The following LRP1B variants were observed in gnomAD, a reference collection of about 807,000 sequenced individuals.
LRP1B encodes low-density lipoprotein receptor-related protein 1B.
Under a neutral mutation model 556.6 loss-of-function variants are expected in LRP1B, and 217 were observed. The ratio of observed to expected loss-of-function variants is 0.39; its 90% CI spans 0.35 to 0.44. LRP1B has a LOEUF of 0.44. LRP1B is among the 20% of genes least tolerant of loss of function. LRP1B has a pLI of 1.00. For synonymous variants in LRP1B, 2,047 were observed against 1,865.8 expected (o/e 1.10, Z -2.50); for missense variants, 5,053 against 5,620.8 (o/e 0.90, Z 3.23).
At chr2:141,250,541 G>A (rs1684222425) in intron 4 of LRP1B, among the ~76,000 whole-genome samples, 1 of 152,118 alleles carries the variant, frequency 6.6e-6, no homozygotes, top group African/African-American at 2.4e-5. Context: ...TTTGGCTGTT[G>A]CATCCTTTAT....
chr2:140,303,665 TCTTTTTATTATAC>T (rs927149458), intron 83 of LRP1B, among the ~76,000 whole-genome samples: 9 of 152,238 alleles, frequency 5.9e-5, no homozygotes, highest in African/African-American at 1.9e-4. Flanking sequence ...TAATAAAAAA[TCTTTTTATTATAC>T]CTTAAATTCT....
chr2:141,835,302 A>T (rs1234103616), intron 1 of LRP1B, among the ~76,000 whole-genome samples: 1 of 151,992 alleles, frequency 6.6e-6, no homozygotes, highest in Non-Finnish European at 1.5e-5. Flanking sequence ...GCCAGGCAGT[A>T]AACACAGAGC....
intron 1 of LRP1B, among the ~76,000 whole-genome samples, chr2:141,968,734 C>T (rs945405820): frequency 4.0e-5 from 6 of 151,704 alleles, no homozygotes; most frequent in Non-Finnish European, 5.9e-5. Context: ...CTGTTTTTCA[C>T]GTGTTACTAT....
intron 1 of LRP1B, among the ~76,000 whole-genome samples, chr2:142,044,040 T>C (rs17772688): frequency 0.069 from 10,447 of 151,796 alleles, 509 homozygotes; most frequent in South Asian, 0.18. Context: ...ATAACATATA[T>C]CTTCAATAAC....
At chr2:141,562,986 G>A (rs1686216806) in intron 2 of LRP1B, among the ~76,000 whole-genome samples, 1 of 151,954 alleles carries the variant, frequency 6.6e-6, no homozygotes, top group Non-Finnish European at 1.5e-5. Context: ...TAAAGGTAGA[G>A]GTAGCAGAAA....
At chr2:142,010,793 A>G (rs898043417) in intron 1 of LRP1B, among the ~76,000 whole-genome samples, 1 of 152,100 alleles carries the variant, frequency 6.6e-6, no homozygotes, top group Non-Finnish European at 1.5e-5. Flanking sequence ...AATGGTTGAT[A>G]ATTTGTCATT....
chr2:140,705,947 T>A (rs1032582806), intron 37 of LRP1B, among the ~76,000 whole-genome samples: 1 of 152,050 alleles, frequency 6.6e-6, no homozygotes, highest in East Asian at 1.9e-4. Flanking sequence ...TAAACTGAAA[T>A]TGAAAGTAAA....
chr2:141,797,669 C>G (rs1695868286), intron 2 of LRP1B, among the ~76,000 whole-genome samples: 1 of 152,130 alleles, frequency 6.6e-6, no homozygotes, highest in Non-Finnish European at 1.5e-5. Context: ...AACTACTTAG[C>G]TATAAGGTTT....
chr2:140,549,906 G>A (rs568881142), intron 43 of LRP1B, among the ~76,000 whole-genome samples: 2 of 151,780 alleles, frequency 1.3e-5, no homozygotes, highest in South Asian at 2.1e-4. Context: ...TGTGCAGAAC[G>A]TGCAGTTTTG....
At chr2:140,326,147 C>A (rs994880467) in intron 79 of LRP1B, among the ~76,000 whole-genome samples, 1 of 152,120 alleles carries the variant, frequency 6.6e-6, no homozygotes, top group Admixed American at 6.6e-5. Context: ...AATATCCCTT[C>A]TAGCCATATT....
At chr2:141,755,609 T>C (rs1310354606) in intron 2 of LRP1B, among the ~76,000 whole-genome samples, 1 of 152,074 alleles carries the variant, frequency 6.6e-6, no homozygotes, top group African/African-American at 2.4e-5. Flanking sequence ...CAGCAATATG[T>C]TTAATAATGT....
chr2:141,456,794 A>G (rs180811736), intron 3 of LRP1B, among the ~76,000 whole-genome samples: 7 of 152,322 alleles, frequency 4.6e-5, no homozygotes, highest in Middle Eastern at 3.4e-3. Context: ...AAGATATATG[A>G]AACTGAAGAG....
intron 3 of LRP1B, among the ~76,000 whole-genome samples, chr2:141,377,936 T>G (rs1047257474): frequency 2.6e-5 from 4 of 152,178 alleles, no homozygotes; most frequent in African/African-American, 4.8e-5. Flanking sequence ...TTTTAAGATA[T>G]AAGGACAATC....
chr2:141,515,300 C>CAA (rs781073721), intron 2 of LRP1B, among the ~76,000 whole-genome samples: 8 of 111,794 alleles, frequency 7.2e-5, no homozygotes, highest in South Asian at 2.9e-4. Context: ...GGAACTCCGT[C>CAA]AAAAGAAAAA....
intron 3 of LRP1B, among the ~76,000 whole-genome samples, chr2:141,350,369 CTG>C (rs749583295): frequency 2.6e-5 from 4 of 152,044 alleles, no homozygotes; most frequent in Non-Finnish European, 4.4e-5. Flanking sequence ...CGAGGGGAGA[CTG>C]AAGAGAAAGT....
intron 2 of LRP1B, among the ~76,000 whole-genome samples, chr2:141,515,849 C>A (rs893931973): frequency 6.6e-6 from 1 of 152,262 alleles, no homozygotes; most frequent in Non-Finnish European, 1.5e-5. Context: ...CCCAAGTGAA[C>A]TGTACTTAAG....
At chr2:140,506,332 C>G (rs1042567452) in intron 53 of LRP1B, among the ~76,000 whole-genome samples, 1 of 149,596 alleles carries the variant, frequency 6.7e-6, no homozygotes, top group Admixed American at 6.6e-5. Flanking sequence ...GCGACCTCTA[C>G]TTCCTGGGTA....
intron 2 of LRP1B, among the ~76,000 whole-genome samples, chr2:141,501,282 G>A (rs567368874): frequency 6.6e-6 from 1 of 152,076 alleles, no homozygotes; most frequent in South Asian, 2.1e-4. Context: ...TAGAAAATAG[G>A]TGTATGTGGT....
chr2:140,761,554 C>G (rs1300076263), intron 35 of LRP1B, among the ~76,000 whole-genome samples: 1 of 152,212 alleles, frequency 6.6e-6, no homozygotes, highest in Non-Finnish European at 1.5e-5. Flanking sequence ...CTCTTATTCA[C>G]TAGCTCTAAG....
Sources: allele counts gnomAD v4.1 joint callset (sites outside exome capture counted in the v4.1 genomes callset), GRCh38; gene constraint gnomAD v4.1.1; transcripts MANE v1.5; gene names NCBI Gene and HGNC (gene_info 2026-07-23, HGNC 2026-07-21).